Variants in PPL observed in about 807,000 individuals in gnomAD.
The protein encoded by PPL is periplakin, also known as 190 kDa paraneoplastic pemphigus antigen.
A neutral mutation model predicts 194.4 loss-of-function variants in PPL; 198 were observed. That is an observed-to-expected ratio of 1.02 (90% CI 0.91 to 1.15). The LOEUF (loss-of-function observed/expected upper bound fraction) is 1.15. Among genes scored for constraint, PPL ranks in the 50% most tolerant of loss-of-function variants. The pLI is 0.00. For missense variants in PPL, 2,885 were observed against 2,294.8 expected (o/e 1.26, Z -5.25); for synonymous variants, 1,220 against 972.4 (o/e 1.25, Z -4.74).
At chr16:4,923,463 C>A (rs777712709) in intron 1 of PPL, among the ~76,000 whole-genome samples, 1 of 152,158 alleles carries the variant, frequency 6.6e-6, no homozygotes, top group Non-Finnish European at 1.5e-5. Flanking sequence ...TCCAAGGACA[C>A]CATGAATGGC....
At chr16:4,915,750 A>G (rs2088904185) in intron 1 of PPL, among the ~76,000 whole-genome samples, 1 of 152,118 alleles carries the variant, frequency 6.6e-6, no homozygotes, top group African/African-American at 2.4e-5. Flanking sequence ...ACTGTTTCTG[A>G]CTCAATCTTC....
In PPL at chr16:4,890,817, C is replaced by G. The variant is rs761347566; in HGVS notation, c.2073G>C (p.Gln691His). ...QCSSTLASRF[Q>H]EHCPDLERQE... ...GGCGCTCCAGGTCCGGACAGTGCTCCTGGAAGCGGCTGGCCAGTGTGCTCG... is the reference window on the plus strand; with the variant it reads ...GGCGCTCCAGGTCCGGACAGTGCTCGTGGAAGCGGCTGGCCAGTGTGCTCG... The change falls in exon 17 of 22, where the codon CAG becomes CAC. Residue 691 changes from glutamine (Q) to histidine (H), a missense_variant. Transcript: ENST00000345988. 1 of 1,588,942 alleles carries G rather than the reference C, an allele frequency of 6.3e-7. No individual in the cohort carries two copies. The highest frequency in any genetic ancestry group is 1.8e-5 in the Admixed American group (1 of 56,568).
At chr16:4,924,333 G>C (rs541225771) in intron 1 of PPL, among the ~76,000 whole-genome samples, 150 of 152,246 alleles carry the variant, frequency 9.9e-4, no homozygotes, top group Non-Finnish European at 1.8e-3. Flanking sequence ...CTGGCACACA[G>C]ACATACGTGC....
intron 1 of PPL, among the ~76,000 whole-genome samples, chr16:4,918,354 G>C (rs184042285): frequency 4.0e-5 from 6 of 151,554 alleles, no homozygotes; most frequent in Admixed American, 3.9e-4. Flanking sequence ...TCTCTCCTGA[G>C]TCAGGTCCTG....
Position 4,927,608 on chromosome 16 carries a change from T to C in PPL, c.62+9376A>G, listed in dbSNP as rs888157168. Among the ~76,000 whole-genome samples the C allele has an allele frequency of 2.6e-5, 4 of 152,254 alleles. No individual in the cohort carries two copies. In the South Asian group the frequency reaches 6.2e-4, roughly 24 times the overall value. On this transcript the variant is annotated intron_variant, in intron 1 of 21. Coordinates refer to ENST00000345988, the MANE Select transcript of PPL (RefSeq NM_002705.5). The stretch of plus-strand genomic sequence containing the variant: ...ATGTGCCCAATGAATACCAGATTGA[T>C]TGGTCAATTGACTGATTCTCTCACT...
intron 1 of PPL, among the ~76,000 whole-genome samples, chr16:4,912,943 A>G (rs542418418): frequency 6.6e-6 from 1 of 152,002 alleles, no homozygotes; most frequent in Non-Finnish European, 1.5e-5. Flanking sequence ...ATCTCTACTA[A>G]AAATACAAAA....
At chr16:4,893,702 G>A in intron 12 of PPL, 64 bp from the exon 13 acceptor site, 1 of 1,378,766 alleles carries the variant, frequency 7.3e-7, no homozygotes, top group Non-Finnish European at 9.9e-7. Flanking sequence ...CACAGAGGCG[G>A]GACTGCGGAC....
chr16:4,887,117 C>G lies in PPL; in HGVS notation c.2607+18G>C. On this transcript the variant is annotated intron_variant, in intron 21 of 21. Transcript: ENST00000345988. ...GTTAGAACAGCCTGAAGTAGAATTTCTTACTAAGATCAGTTACCTGTCTGA... is the reference window on the plus strand; with the variant it reads ...GTTAGAACAGCCTGAAGTAGAATTTGTTACTAAGATCAGTTACCTGTCTGA... The G allele has an allele frequency of 6.3e-7, 1 of 1,584,648 alleles. No individual in the cohort carries two copies. Among genetic ancestry groups the G allele is most frequent in the Non-Finnish European group, 8.7e-7 (1 of 1,153,348 alleles).
At chr16:4,887,928 C>G (rs1231743038) in intron 20 of PPL, among the ~76,000 whole-genome samples, 174 bp downstream of exon 20, 1 of 152,206 alleles carries the variant, frequency 6.6e-6, no homozygotes, top group African/African-American at 2.4e-5. Context: ...GATGTCACTG[C>G]CCTAGAACAA....
chr16:4,914,941 G>A (rs954206519), intron 1 of PPL, among the ~76,000 whole-genome samples: 1 of 152,168 alleles, frequency 6.6e-6, no homozygotes, highest in Non-Finnish European at 1.5e-5. Context: ...CCCAGTCACT[G>A]ACCATCTGCC....
intron 1 of PPL, among the ~76,000 whole-genome samples, chr16:4,934,646 T>C (rs1263548561): frequency 6.6e-6 from 1 of 151,920 alleles, no homozygotes; most frequent in African/African-American, 2.4e-5. Context: ...CCCCAGACAA[T>C]GGAGCGGGCC....
At position 4,900,434 on chromosome 16, in the gene PPL, C is replaced by CTTTTTTTTTTTTTTTTTT. The variant is rs1217002366; in HGVS notation, c.606+378_606+395dup. Reference sequence around the variant, plus strand: ...CCTGATTGAAACGTTTACTGCACGCCTTTTTTTTTTTTTTTTTTTTTTAAA... The same window carrying CTTTTTTTTTTTTTTTTTT: ...CCTGATTGAAACGTTTACTGCACGCCTTTTTTTTTTTTTTTTTTTTTTTTTTTTTTTTTTTTTTTTAAA... On this transcript the variant is annotated intron_variant, in intron 6 of 21. Transcript: ENST00000345988. Among the ~76,000 whole-genome samples the CTTTTTTTTTTTTTTTTTT allele has an allele frequency of 1.2e-3, 75 of 61,646 alleles. 20 individuals carry two copies. Among genetic ancestry groups the CTTTTTTTTTTTTTTTTTT allele is most frequent in the Admixed American group, 2.0e-3 (7 of 3,534 alleles). 40.4% of individuals were successfully genotyped at this position (61,646 alleles called of 152,430 possible).
chr16:4,888,096 A>G lies in PPL; in HGVS notation c.2514+6T>C, dbSNP rs770867144. On this transcript the variant is annotated splice_donor_region_variant and intron_variant, in intron 20 of 21. Coordinates refer to ENST00000345988, the MANE Select transcript of PPL (RefSeq NM_002705.5). ...GTCCCGAGGCCGCCTGGCCCATGGA[A>G]CTCACCTCTTCCTTCACTTTGGTGG... 1.7e-5 allele frequency: 28 copies of G among 1,606,860 alleles called. 1 individual carries two copies. In the South Asian group the frequency reaches 3.1e-4, roughly 18 times the overall value.
rs752739258 is a variant in PPL, at chr16:4,902,450, C to T, written c.394G>A (p.Val132Met). 3.1e-6 allele frequency: 5 copies of T among 1,614,106 alleles called. No individual in the cohort carries two copies. In the East Asian group the frequency reaches 1.1e-4, roughly 36 times the overall value. The part of the protein sequence containing the change: ...KQIYRLAVKE[V>M]DPQVNWAALV... ...GCCGCCCAGTTGACCTGTGGATCCACTTCCTTCACCGCCAGCCTGTAGATC... is the reference window on the plus strand; with the variant it reads ...GCCGCCCAGTTGACCTGTGGATCCATTTCCTTCACCGCCAGCCTGTAGATC... Residue 132 changes from valine (V) to methionine (M), a missense_variant, in exon 4 of 22, where the codon GTG becomes ATG. Physicochemically the swap from Val to Met is conservative, Grantham distance 21. Coordinates refer to ENST00000345988, the MANE Select transcript of PPL (RefSeq NM_002705.5). The surrounding 1 kb of genome is among the most constrained non-coding windows in gnomAD (Gnocchi z 4.0).
chr16:4,897,568 G>A (rs796523499), intron 9 of PPL, 107 bp downstream of exon 9: 1 of 828,944 alleles, frequency 1.2e-6, no homozygotes, highest in Non-Finnish European at 1.9e-6. Context: ...GCCCCGCAAG[G>A]CTCCTGGACC....
At chr16:4,935,158 C>A (rs2089280405) in intron 1 of PPL, among the ~76,000 whole-genome samples, 1 of 152,202 alleles carries the variant, frequency 6.6e-6, no homozygotes, top group African/African-American at 2.4e-5. Flanking sequence ...CAGACCCTCC[C>A]AGTCCCTGCA....
intron 11 of PPL, among the ~76,000 whole-genome samples, chr16:4,894,862 T>C (rs982089320): frequency 7.9e-5 from 12 of 152,120 alleles, no homozygotes; most frequent in African/African-American, 2.7e-4. Flanking sequence ...GGTCTCTCCT[T>C]CTCCATTCCC....
chr16:4,896,663 G>GGAGA lies in PPL; in HGVS notation c.973-951_973-948dup, dbSNP rs527429665. 5.4e-5 allele frequency among the ~76,000 whole-genome samples: 8 copies of GGAGA among 147,090 alleles called. No individual in the cohort carries two copies. The South Asian group carries it at 1.7e-3, about 32-fold the overall frequency. ...TGTTTTTTTTTTTTTTTTTTGAGGC[G>GGAGA]GAGACTCACTCTGTCGCCCAGGCTG... On this transcript the variant is annotated intron_variant, in intron 9 of 21. Transcript: ENST00000345988.
intron 16 of PPL, 23 bp from the exon 17 acceptor site, chr16:4,890,944 G>A (rs752432006): frequency 1.1e-5 from 17 of 1,494,606 alleles, no homozygotes; most frequent in South Asian, 7.6e-5. Flanking sequence ...AGGAGGAGAC[G>A]GCGGTGCTAC....
Sources: gnomAD v4.1 joint callset for allele counts (sites outside exome capture counted in the v4.1 genomes callset) on GRCh38, gnomAD v4.1.1 for gene constraint, Gnocchi (gnomAD v3.1) non-coding constraint, MANE v1.5 for transcripts, NCBI Gene and HGNC (gene_info 2026-07-23, HGNC 2026-07-21) for gene names.